Variants in GABRB1 observed in about 807,000 individuals in gnomAD.
GABRB1 encodes the protein gamma-aminobutyric acid type A receptor subunit beta1.
GABRB1 carries 17 observed loss-of-function variants against 51.6 expected under a neutral mutation model. That is an observed-to-expected ratio of 0.33 (90% CI 0.23 to 0.49). The LOEUF is 0.49. GABRB1 is among the 20% of genes least tolerant of loss of function. The pLI is 0.99. For synonymous variants in GABRB1, 247 were observed against 218.9 expected, an observed-to-expected ratio of 1.13 and a Z score of -1.14; for missense variants, 410 against 600.6, an observed-to-expected ratio of 0.68 and a Z score of 3.32.
rs115345107 is a variant in GABRB1, at chr4:47,134,252, T to C, written c.241-26997T>C. Among the ~76,000 whole-genome samples the C allele has an allele frequency of 7.9e-3, 1,210 of 152,296 alleles. 14 individuals carry two copies. The highest frequency in any genetic ancestry group is 0.028 in the African/African-American group (1,146 of 41,572). On this transcript the variant is annotated intron_variant, in intron 3 of 8. Coordinates refer to ENST00000295454, the MANE Select transcript of GABRB1 (RefSeq NM_000812.4). Reference sequence around the variant, plus strand: ...AATAAAGGTTATGCTACAGTTTTTATTGGTACTTTGAAAAGAATTAGTGCT... The same window carrying C: ...AATAAAGGTTATGCTACAGTTTTTACTGGTACTTTGAAAAGAATTAGTGCT...
At chr4:47,332,645 A>C (rs1403895479) in intron 5 of GABRB1, among the ~76,000 whole-genome samples, 1 of 152,142 alleles carries the variant, frequency 6.6e-6, no homozygotes, top group East Asian at 1.9e-4. Context: ...GGGTCCTAGC[A>C]CAAGAATTTT....
At chr4:47,079,344 G>A (rs995840345) in intron 3 of GABRB1, among the ~76,000 whole-genome samples, 5 of 151,890 alleles carry the variant, frequency 3.3e-5, no homozygotes, top group African/African-American at 1.2e-4. Context: ...ATCTTGGGAG[G>A]GTGTATGTGT....
At chr4:47,399,369 T>G (rs1012193353) in intron 5 of GABRB1, among the ~76,000 whole-genome samples, 2 of 152,232 alleles carry the variant, frequency 1.3e-5, no homozygotes, top group African/African-American at 4.8e-5. Flanking sequence ...TCTTAGCCTA[T>G]GTTTTGGAAC....
At chr4:47,120,448 T>C (rs1359029405) in intron 3 of GABRB1, among the ~76,000 whole-genome samples, 1 of 152,184 alleles carries the variant, frequency 6.6e-6, no homozygotes, top group Non-Finnish European at 1.5e-5. Flanking sequence ...TCTGAGAGCC[T>C]GCCTGGTGCT....
intron 4 of GABRB1, among the ~76,000 whole-genome samples, chr4:47,231,512 A>G (rs918069280): frequency 4.6e-5 from 7 of 152,150 alleles, no homozygotes; most frequent in Non-Finnish European, 1.0e-4. Flanking sequence ...CTGTAAATGT[A>G]CTTAGAAGGA....
At chr4:47,005,360 G>A (rs533579479) in intron 1 of GABRB1, among the ~76,000 whole-genome samples, 32 of 152,304 alleles carry the variant, frequency 2.1e-4, no homozygotes, top group African/African-American at 7.0e-4. Flanking sequence ...GGAGCTTGCA[G>A]TGAGCTGAGA....
At chr4:47,040,766 G>A (rs1725805632) in intron 3 of GABRB1, among the ~76,000 whole-genome samples, 1 of 152,146 alleles carries the variant, frequency 6.6e-6, no homozygotes, top group African/African-American at 2.4e-5. Context: ...TGAGTGAAAT[G>A]CGTTGGTTAG....
At chr4:47,336,387 C>A (rs548143247) in intron 5 of GABRB1, among the ~76,000 whole-genome samples, 1 of 152,288 alleles carries the variant, frequency 6.6e-6, no homozygotes, top group East Asian at 1.9e-4. Context: ...TGATTATGTG[C>A]AAGCACATTG....
At chr4:47,309,237 T>C (rs1309213008) in intron 4 of GABRB1, among the ~76,000 whole-genome samples, 5 of 149,966 alleles carry the variant, frequency 3.3e-5, no homozygotes, top group African/African-American at 9.8e-5. Context: ...ATTACTATTG[T>C]TCTATTCCCT....
chr4:47,286,939 C>A (rs1379487389), intron 4 of GABRB1, among the ~76,000 whole-genome samples: 1 of 152,166 alleles, frequency 6.6e-6, no homozygotes, highest in Non-Finnish European at 1.5e-5. Context: ...CAATTCTGAC[C>A]CCGCATGTGC....
At chr4:47,342,669 C>A (rs1477255122) in intron 5 of GABRB1, among the ~76,000 whole-genome samples, 1 of 152,102 alleles carries the variant, frequency 6.6e-6, no homozygotes, top group Non-Finnish European at 1.5e-5. Context: ...AGGAATAGTT[C>A]TCCTGTAGGT....
intron 3 of GABRB1, among the ~76,000 whole-genome samples, chr4:47,038,342 A>T (rs1436306281): frequency 1.3e-5 from 2 of 152,298 alleles, no homozygotes; most frequent in Non-Finnish European, 2.9e-5. Flanking sequence ...ACATTCACAA[A>T]GACAGCAACA....
chr4:47,026,174 A>G (rs1725085603), intron 1 of GABRB1, among the ~76,000 whole-genome samples: 1 of 152,012 alleles, frequency 6.6e-6, no homozygotes, highest in South Asian at 2.1e-4. Context: ...AAATAAATAA[A>G]AAGTCCTTTT....
intron 8 of GABRB1, among the ~76,000 whole-genome samples, chr4:47,418,562 AC>A (rs1729001777): frequency 2.0e-5 from 3 of 152,232 alleles, no homozygotes; most frequent in Admixed American, 6.5e-5. Flanking sequence ...CTAGTGTTTG[AC>A]CTAGCAACTG....
chr4:47,114,660 G>A (rs1715389164), intron 3 of GABRB1, among the ~76,000 whole-genome samples: 1 of 152,140 alleles, frequency 6.6e-6, no homozygotes, highest in South Asian at 2.1e-4. Context: ...ATAGTCACAG[G>A]CATTTTAATG....
At chr4:47,082,076 T>C (rs1727872517) in intron 3 of GABRB1, among the ~76,000 whole-genome samples, 1 of 152,016 alleles carries the variant, frequency 6.6e-6, no homozygotes, top group Non-Finnish European at 1.5e-5. Flanking sequence ...AACTGAAAGG[T>C]AGTGATATAG....
intron 5 of GABRB1, among the ~76,000 whole-genome samples, chr4:47,335,183 C>A (rs1725651004): frequency 1.3e-5 from 2 of 152,102 alleles, no homozygotes; most frequent in African/African-American, 4.8e-5. Context: ...TGAATGTCTA[C>A]CTCCTCTTTA....
chr4:47,307,064 C>G (rs1338008953), intron 4 of GABRB1, among the ~76,000 whole-genome samples: 1 of 152,052 alleles, frequency 6.6e-6, no homozygotes, highest in Admixed American at 6.6e-5. Flanking sequence ...TATTTTCTCA[C>G]CAGAAGTATG....
At chr4:47,418,182 G>A (rs563880195) in intron 8 of GABRB1, among the ~76,000 whole-genome samples, 22 of 152,196 alleles carry the variant, frequency 1.4e-4, no homozygotes, top group Non-Finnish European at 2.8e-4. Context: ...GGGCTCTTCA[G>A]AGAAACAGAA....
Sources: allele counts gnomAD v4.1 joint callset (sites outside exome capture counted in the v4.1 genomes callset), GRCh38; gene constraint gnomAD v4.1.1; transcripts MANE v1.5; gene names NCBI Gene and HGNC (gene_info 2026-07-23, HGNC 2026-07-21).